The following TTF2 variants were observed in gnomAD, a reference collection of about 807,000 sequenced individuals.
TTF2 encodes RNA polymerase II termination factor.
In TTF2, 108 loss-of-function variants were observed where a neutral mutation model predicts 142.4. That is an observed-to-expected ratio of 0.76 (90% CI 0.65 to 0.89). The LOEUF (loss-of-function observed/expected upper bound fraction) is 0.89, where lower values mean the gene tolerates loss of function less well. TTF2 is among the 40% of genes least tolerant of loss of function. The pLI is 0.00. For synonymous variants in TTF2, 483 were observed against 506.2 expected, an observed-to-expected ratio of 0.95 and a Z score of 0.61; for missense variants, 1,327 against 1,379.8, an observed-to-expected ratio of 0.96 and a Z score of 0.61.
Position 117,093,695 on chromosome 1 carries a change from C to G in TTF2, c.2976+794C>G, listed in dbSNP as rs1330760045. Among the ~76,000 whole-genome samples the G allele has an allele frequency of 6.6e-6, 1 of 152,102 alleles. No individual in the cohort carries two copies. Among genetic ancestry groups the G allele is most frequent in the Non-Finnish European group, 1.5e-5 (1 of 68,028 alleles). On this transcript the variant is annotated intron_variant, in intron 18 of 22. Coordinates refer to ENST00000369466, the MANE Select transcript of TTF2 (RefSeq NM_003594.4). The surrounding 1 kb of genome is among the most constrained non-coding windows in gnomAD (Gnocchi z 4.5). The stretch of plus-strand genomic sequence containing the variant: ...CTTTACCACTGATAGCTGAGAGAAA[C>G]ATAAGAAGAGCATCCCATGTGGCCA...
At position 117,077,935 on chromosome 1, in the gene TTF2, C is replaced by T. The variant is rs754685562; in HGVS notation, c.1593C>T (p.His531=). The T allele has an allele frequency of 8.1e-6, 13 of 1,614,042 alleles. No individual in the cohort carries two copies. The highest frequency in any genetic ancestry group is 2.2e-5 in the East Asian group (1 of 44,898). ...ATGCAGGCCATACAAACCAAGATCACGTTCATGCAGTGTGGAAAATCACAA... is the reference window on the plus strand; with the variant it reads ...ATGCAGGCCATACAAACCAAGATCATGTTCATGCAGTGTGGAAAATCACAA... ...QCYRGHTNQD[H]VHAVWKITSE... is the part of the protein sequence containing the mutation. The change falls in exon 8 of 23, where the codon CAC becomes CAT. Residue 531 remains histidine, a synonymous_variant. Transcript: ENST00000369466.
rs539695506 is a variant in TTF2 at position 117,106,863 on chromosome 1, G to A, written c.*5339G>A. On this transcript the variant is annotated 3_prime_UTR_variant, in exon 23 of 23. Coordinates refer to ENST00000369466, the MANE Select transcript of TTF2 (RefSeq NM_003594.4). ...GATACATTCTCTGGAGGAAAGTTGAGCAACTATTGCATTTGGGACATTAGA... is the reference window on the plus strand; with the variant it reads ...GATACATTCTCTGGAGGAAAGTTGAACAACTATTGCATTTGGGACATTAGA... 2 of 152,318 alleles carry A rather than the reference G, an allele frequency of 1.3e-5. No individual in the cohort carries two copies. Among genetic ancestry groups the A allele is most frequent in the African/African-American group, 2.4e-5 (1 of 41,576 alleles). The allele number at this position is 152,318 out of a possible 1,614,324, so 9.4% of individuals were successfully genotyped here. A position where few individuals can be genotyped will look rare whatever the true frequency, so the allele number is the denominator to read the frequency against.
chr1:117,096,422 G>A, intron 20 of TTF2, 123 bp downstream of exon 20: 1 of 1,269,920 alleles, frequency 7.9e-7, no homozygotes, highest in Non-Finnish European at 1.1e-6. Context: ...TTGTTGCCCA[G>A]GCTGGACTGC....
In TTF2 at chr1:117,102,075, G is replaced by C. The variant is rs569286552; in HGVS notation, c.*551G>C. The C allele has an allele frequency of 6.6e-6, 1 of 152,572 alleles. No individual in the cohort carries two copies. Among genetic ancestry groups the C allele is most frequent in the Non-Finnish European group, 1.5e-5 (1 of 68,364 alleles). The allele number at this position is 152,572 out of a possible 1,614,324, so 9.5% of individuals were successfully genotyped here. A position where few individuals can be genotyped will look rare whatever the true frequency, so the allele number is the denominator to read the frequency against. ...GAGGATCCCTTGAGTCCAGGAGGTT[G>C]AGGCTGCAGTGAGCTGTGATTGTGC... On this transcript the variant is annotated 3_prime_UTR_variant, in exon 23 of 23. Coordinates refer to ENST00000369466, the MANE Select transcript of TTF2 (RefSeq NM_003594.4).
chr1:117,064,220 G>A (rs1655907910), intron 3 of TTF2, among the ~76,000 whole-genome samples: 1 of 152,064 alleles, frequency 6.6e-6, no homozygotes, highest in South Asian at 2.1e-4. Context: ...GCTCATGCCT[G>A]TAATCCCAGC....
Position 117,084,632 on chromosome 1 carries a change from A to G in TTF2, c.2054+464A>G, listed in dbSNP as rs1647848415. On this transcript the variant is annotated intron_variant, in intron 11 of 22. Transcript: ENST00000369466. ...AACCATCTAAGATGCTTTAGACTCA[A>G]TAATTTAGGACGATTAGAGTTAACT... Among the ~76,000 whole-genome samples, 4 of 152,212 alleles carry G rather than the reference A, an allele frequency of 2.6e-5. 1 individual carries two copies. The highest frequency in any genetic ancestry group is 9.7e-5 in the African/African-American group (4 of 41,448).
chr1:117,060,999 A>C (rs187433359), intron 2 of TTF2, among the ~76,000 whole-genome samples: 102 of 152,280 alleles, frequency 6.7e-4, no homozygotes, highest in African/African-American at 2.3e-3. Flanking sequence ...TTGAGCTTAA[A>C]ACACTCTAGT....
At chr1:117,060,594 C>T in intron 2 of TTF2, 37 bp downstream of exon 2, 1 of 1,551,608 alleles carries the variant, frequency 6.4e-7, no homozygotes, top group Non-Finnish European at 8.7e-7. Flanking sequence ...CTGTGGCTGC[C>T]CGGGGCCTCC....
Position 117,101,436 on chromosome 1 carries a change from A to G in TTF2, c.3401A>G (p.Lys1134Arg), listed in dbSNP as rs41276572. The G allele has an allele frequency of 0.025, 39,704 of 1,610,528 alleles. 605 individuals are homozygous for G. The highest frequency in any genetic ancestry group is 0.03 in the Non-Finnish European group (35,303 of 1,179,142). ...ATCTTACAGCTCCAAGAAAAAAAGAAAGATTTGGCCAAACAAGTTCTATCA... is the reference window on the plus strand; with the variant it reads ...ATCTTACAGCTCCAAGAAAAAAAGAGAGATTTGGCCAAACAAGTTCTATCA... ...EKILQLQEKK[K>R]DLAKQVLSGS... Residue 1134 changes from lysine to arginine, a missense_variant, in exon 23 of 23, where the codon AAA (lysine) becomes AGA (arginine). Coordinates refer to ENST00000369466, the MANE Select transcript of TTF2 (RefSeq NM_003594.4). This position sits in a 1 kb window ranked among gnomAD's most constrained non-coding sequence, Gnocchi z 5.9.
intron 4 of TTF2, 100 bp from the exon 5 acceptor site, chr1:117,074,770 C>T: frequency 1.8e-6 from 2 of 1,118,438 alleles, no homozygotes; most frequent in East Asian, 2.6e-5. Context: ...GCATATGTAC[C>T]CCCTGTATAT....
Position 117,098,874 on chromosome 1 carries a change from G to A in TTF2, c.3311G>A (p.Arg1104Gln), listed in dbSNP as rs771807082. 1.5e-5 allele frequency: 24 copies of A among 1,612,432 alleles called. No homozygotes were observed. The Admixed American group carries it at 2.5e-4, about 17-fold the overall frequency. Residue 1104 changes from arginine to glutamine, a missense_variant, in exon 22 of 23, where the codon CGA becomes CAA. By Grantham distance (43) the Arg-to-Gln change is conservative. Transcript: ENST00000369466. ...LEDQACDRIY[R>Q]VGQQKDVVIH... ...GATCAAGCTTGTGACCGAATTTACC[G>A]AGTAGGGCAGCAGAAAGATGTTGTC... is the stretch of plus-strand genomic sequence containing the variant.
chr1:117,076,402 A>G lies in TTF2; in HGVS notation c.1390+108A>G, dbSNP rs2101030550. The stretch of plus-strand genomic sequence containing the variant: ...GTTGATTCATTCACTTTTCCATTTT[A>G]TTATCTGCTTCTGAGACTTCTTTCA... On this transcript the variant is annotated intron_variant, in intron 6 of 22. Coordinates refer to ENST00000369466, the MANE Select transcript of TTF2 (RefSeq NM_003594.4). This position sits in a 1 kb window ranked among gnomAD's most constrained non-coding sequence, Gnocchi z 4.6. 4 of 998,358 alleles carry G rather than the reference A, an allele frequency of 4.0e-6. No individual in the cohort carries two copies. Among genetic ancestry groups the G allele is most frequent in the South Asian group, 3.4e-5 (2 of 58,332 alleles). The allele number at this position is 998,358 out of a possible 1,614,324, so 61.8% of individuals were successfully genotyped here.
rs768115013 is a variant in TTF2 at position 117,107,052 on chromosome 1, G to T, written c.*5528G>T. The T allele has an allele frequency of 1.3e-5, 2 of 152,102 alleles. No individual in the cohort carries two copies. Among genetic ancestry groups the T allele is most frequent in the Non-Finnish European group, 2.9e-5 (2 of 68,024 alleles). 9.4% of individuals were successfully genotyped at this position (152,102 alleles called of 1,614,324 possible). ...CATCATAATGCTGCATCTTGTTGACGCTTCAATGCTCACAATTCAAAGGTG... is the reference window on the plus strand; with the variant it reads ...CATCATAATGCTGCATCTTGTTGACTCTTCAATGCTCACAATTCAAAGGTG... On this transcript the variant is annotated 3_prime_UTR_variant, in exon 23 of 23. Transcript: ENST00000369466.
At position 117,076,418 on chromosome 1, in the gene TTF2, A is replaced by T; in HGVS notation, c.1390+124A>T. 1 of 920,410 alleles carries T rather than the reference A, an allele frequency of 1.1e-6. No homozygotes were observed. Among genetic ancestry groups the T allele is most frequent in the Non-Finnish European group, 1.6e-6 (1 of 612,648 alleles). The allele number at this position is 920,410 out of a possible 1,614,324, so 57.0% of individuals were successfully genotyped here. On this transcript the variant is annotated intron_variant, in intron 6 of 22. Coordinates refer to ENST00000369466, the MANE Select transcript of TTF2 (RefSeq NM_003594.4). This position sits in a 1 kb window ranked among gnomAD's most constrained non-coding sequence, Gnocchi z 4.6. ...TTCCATTTTATTATCTGCTTCTGAGACTTCTTTCACATTACACCTATGGTT... is the reference window on the plus strand; with the variant it reads ...TTCCATTTTATTATCTGCTTCTGAGTCTTCTTTCACATTACACCTATGGTT...
In TTF2 at chr1:117,086,270, TGC is replaced by T. The variant is rs1323054508; in HGVS notation, c.2055-145_2055-144del. On this transcript the variant is annotated intron_variant, in intron 11 of 22. Coordinates refer to ENST00000369466, the MANE Select transcript of TTF2 (RefSeq NM_003594.4). The surrounding 1 kb of genome is among the most constrained non-coding windows in gnomAD (Gnocchi z 4.2). The stretch of plus-strand genomic sequence containing the variant: ...AAATGTGTGTGTGTGTGTGTGTGTG[TGC>T]GTGTGTGTGTTAAGGACACAAGTTA... 845 of 580,606 alleles carry T rather than the reference TGC, an allele frequency of 1.5e-3. 4 individuals are homozygous for T. The highest frequency in any genetic ancestry group is 0.014 in the African/African-American group (703 of 50,612). The allele number at this position is 580,606 out of a possible 1,614,324, so 36.0% of individuals were successfully genotyped here. A position where few individuals can be genotyped will look rare whatever the true frequency, so the allele number is the denominator to read the frequency against.
In TTF2 at chr1:117,079,752, G is replaced by A; in HGVS notation, c.1783+103G>A. On this transcript the variant is annotated intron_variant, in intron 9 of 22. Coordinates refer to ENST00000369466, the MANE Select transcript of TTF2 (RefSeq NM_003594.4). The surrounding 1 kb of genome is among the most constrained non-coding windows in gnomAD (Gnocchi z 4.2). Reference sequence around the variant, plus strand: ...TTCCTCTCAAGAACTCTATGAGGCAGGTACTATTATTCCTCATTTTACAGA... The same window carrying A: ...TTCCTCTCAAGAACTCTATGAGGCAAGTACTATTATTCCTCATTTTACAGA... The A allele has an allele frequency of 9.0e-7, 1 of 1,106,358 alleles. No individual in the cohort carries two copies. The highest frequency in any genetic ancestry group is 2.4e-5 in the East Asian group (1 of 41,250). 68.5% of individuals were successfully genotyped at this position (1,106,358 alleles called of 1,614,324 possible). A position where few individuals can be genotyped will look rare whatever the true frequency, so the allele number is the denominator to read the frequency against.
Position 117,090,117 on chromosome 1 carries a change from CAAAG to C in TTF2, c.2410_2413del (p.Lys804GlufsTer5). On this transcript the variant is annotated frameshift_variant, in exon 14 of 23. Coordinates refer to ENST00000369466, the MANE Select transcript of TTF2 (RefSeq NM_003594.4). LOFTEE classifies it high-confidence loss of function. The surrounding 1 kb of genome is among the most constrained non-coding windows in gnomAD (Gnocchi z 4.8). ...TGGAGGAGTCAGGTTGACAATGGCTCAAAGAAAGGAGGAGAACGGTTAAGTATTT... is the reference window on the plus strand; with the variant it reads ...TGGAGGAGTCAGGTTGACAATGGCTCAAAGGAGGAGAACGGTTAAGTATTT... The C allele has an allele frequency of 1.2e-6, 2 of 1,614,064 alleles. No individual in the cohort carries two copies. Among genetic ancestry groups the C allele is most frequent in the Non-Finnish European group, 1.7e-6 (2 of 1,179,992 alleles).
Position 117,096,267 on chromosome 1 carries a change from G to T in TTF2, c.3154G>T (p.Val1052Leu), listed in dbSNP as rs186167602. Residue 1052 changes from valine (V) to leucine (L), a missense_variant, in exon 20 of 23, where the codon GTA becomes TTA. Transcript: ENST00000369466. Reference protein sequence around the residue: ...SVNPKQRMDLVEAFNHSRGPQ... With the variant: ...SVNPKQRMDLLEAFNHSRGPQ... ...CAATCCCAAGCAGAGAATGGACTTG[G>T]TAGAGGCATTTAACCACTCCAGAGG... 54 of 1,614,120 alleles carry T rather than the reference G, an allele frequency of 3.3e-5. No individual in the cohort carries two copies. In the African/African-American group the frequency reaches 6.3e-4, roughly 19 times the overall value.
Position 117,083,999 on chromosome 1 carries a change from A to AT in TTF2, c.1904-12dup, listed in dbSNP as rs547876203. The AT allele has an allele frequency of 6.8e-5, 109 of 1,613,426 alleles. No homozygotes were observed. The African/African-American group carries it at 1.1e-3, about 17-fold the overall frequency. Reference sequence around the variant, plus strand: ...ATTTGGTGAATGTAACTAGGCACTGATTTTTTTCCCTTCTCAAGACTCTTG... The same window carrying AT: ...ATTTGGTGAATGTAACTAGGCACTGATTTTTTTTCCCTTCTCAAGACTCTTG... On this transcript the variant is annotated intron_variant, in intron 10 of 22. Coordinates refer to ENST00000369466, the MANE Select transcript of TTF2 (RefSeq NM_003594.4).
Sources: gnomAD v4.1 joint callset for allele counts (sites outside exome capture counted in the v4.1 genomes callset) on GRCh38, gnomAD v4.1.1 for gene constraint, Gnocchi (gnomAD v3.1) non-coding constraint, MANE v1.5 for transcripts, NCBI Gene and HGNC (gene_info 2026-07-23, HGNC 2026-07-21) for gene names.